The following SNX8 variants were observed in gnomAD, a reference collection of about 807,000 sequenced individuals.
SNX8 encodes sorting nexin-8.
SNX8 carries 25 observed loss-of-function variants against 51.6 expected under a neutral mutation model. The observed-to-expected ratio is 0.48, with a 90% CI of 0.35 to 0.68. SNX8 has a LOEUF of 0.68. Among genes scored for constraint, SNX8 ranks in the 30% least tolerant of loss-of-function variants. The pLI, the probability that SNX8 is intolerant of heterozygous loss-of-function variation, is 0.00. For synonymous variants in SNX8, 324 were observed against 277.0 expected, an observed-to-expected ratio of 1.17 and a Z score of -1.68; for missense variants, 695 against 624.0, an observed-to-expected ratio of 1.11 and a Z score of -1.21.
At position 2,335,818 on chromosome 7, in the gene SNX8, A is replaced by T. The variant is rs866910594; in HGVS notation, c.-66+18404T>A. 9.9e-5 allele frequency among the ~76,000 whole-genome samples: 15 copies of T among 151,496 alleles called. No homozygotes were observed. In the South Asian group the frequency reaches 3.1e-3, roughly 32 times the overall value. Reference sequence around the variant, plus strand: ...ACTCTGTCTCAAAAAAAAAAAAAAAAAAAAAAAAAATTCTACAGTAGGCAA... The same window carrying T: ...ACTCTGTCTCAAAAAAAAAAAAAAATAAAAAAAAAATTCTACAGTAGGCAA... On this transcript the variant is annotated intron_variant, in intron 1 of 5. Transcript: ENST00000435336.
intron 1 of SNX8, among the ~76,000 whole-genome samples, chr7:2,291,872 G>C (rs1343639842): frequency 6.6e-6 from 1 of 152,176 alleles, no homozygotes; most frequent in Non-Finnish European, 1.5e-5. Flanking sequence ...CTCCCTTAGA[G>C]AGCTGTGGCT....
At chr7:2,345,489 C>G (rs982185021) in intron 1 of SNX8, among the ~76,000 whole-genome samples, 1 of 151,768 alleles carries the variant, frequency 6.6e-6, no homozygotes, top group Non-Finnish European at 1.5e-5. Context: ...ACCAGCCTGG[C>G]CCATGTGGAA....
upstream of SNX8, among the ~76,000 whole-genome samples, chr7:2,316,633 CCACT>C (rs1383935856): frequency 1.4e-5 from 2 of 146,562 alleles, no homozygotes; most frequent in African/African-American, 2.6e-5. Context: ...ATTCACACAA[CCACT>C]CACTCACTGC....
At chr7:2,327,718 A>G (rs1307309449) in intron 1 of SNX8, among the ~76,000 whole-genome samples, 13 of 123,004 alleles carry the variant, frequency 1.1e-4, no homozygotes, top group Admixed American at 1.6e-4. Flanking sequence ...AATTTTTTGT[A>G]TTTTAAGTAG....
At chr7:2,260,406 G>A (rs943849666) in intron 7 of SNX8, among the ~76,000 whole-genome samples, 3 of 152,138 alleles carry the variant, frequency 2.0e-5, no homozygotes, top group African/African-American at 4.8e-5. Flanking sequence ...CCAAGTTTAC[G>A]GATTTGTGTT....
chr7:2,269,203 T>C (rs1477568425), intron 5 of SNX8, among the ~76,000 whole-genome samples: 1 of 150,976 alleles, frequency 6.6e-6, no homozygotes, highest in Non-Finnish European at 1.5e-5. Flanking sequence ...TCCTCTGCCT[T>C]GGGATCCTGT....
chr7:2,260,546 C>A (rs571780945), intron 7 of SNX8, among the ~76,000 whole-genome samples: 53 of 152,194 alleles, frequency 3.5e-4, no homozygotes, highest in African/African-American at 1.3e-3. Context: ...AAACACAGAC[C>A]CTACTCCGAG....
chr7:2,308,752 C>T (rs568527036), intron 1 of SNX8, among the ~76,000 whole-genome samples: 1 of 147,874 alleles, frequency 6.8e-6, no homozygotes, highest in Non-Finnish European at 1.5e-5. Flanking sequence ...TACTGTGGGG[C>T]ATAATTTAAT....
chr7:2,317,653 A>G (rs1393445886), upstream of SNX8, among the ~76,000 whole-genome samples: 3 of 151,976 alleles, frequency 2.0e-5, no homozygotes, highest in Non-Finnish European at 4.4e-5. Flanking sequence ...GAACCATGTC[A>G]GTTCCTAGGA....
rs116302374 is a variant in SNX8 at position 2,342,050 on chromosome 7, G to A, written c.-66+12172C>T. Among the ~76,000 whole-genome samples the A allele has an allele frequency of 4.4e-3, 652 of 148,894 alleles. 5 individuals carry two copies. The highest frequency in any genetic ancestry group is 0.015 in the African/African-American group (600 of 40,496). On this transcript the variant is annotated intron_variant, in intron 1 of 5. Transcript: ENST00000435336. ...TGAGACGGGCGGATCACAAGATCAG[G>A]AGATTGATCCTTGCATCTGGATCTC...
Position 2,263,232 on chromosome 7 carries a change from G to A in SNX8, c.913C>T (p.Gln305Ter). 1 of 1,613,878 alleles carries A rather than the reference G, an allele frequency of 6.2e-7. No individual in the cohort carries two copies. Among genetic ancestry groups the A allele is most frequent in the Non-Finnish European group, 8.5e-7 (1 of 1,180,006 alleles). ...FALLADKAAQ[Q>*]GKQEENDVVE... ...CCTGGGAGAACCGATCCACTCACCT[G>A]TTGTGCAGCCTTGTCGGCGAGCAGC... The change falls in exon 7 of 11, where the codon CAG becomes TAG. Residue 305 changes from glutamine (Q) to a stop codon, truncating the protein, a stop_gained and splice_region_variant. Coordinates refer to ENST00000222990, the MANE Select transcript of SNX8 (RefSeq NM_013321.4). LOFTEE classifies it high-confidence loss of function.
At chr7:2,260,516 G>A (rs1375069072) in intron 7 of SNX8, among the ~76,000 whole-genome samples, 12 of 152,160 alleles carry the variant, frequency 7.9e-5, no homozygotes, top group Admixed American at 6.6e-4. Context: ...TAACCAAGGC[G>A]AAGATCCCGT....
chr7:2,332,128 G>A (rs1187013055), intron 1 of SNX8, among the ~76,000 whole-genome samples: 1 of 149,844 alleles, frequency 6.7e-6, no homozygotes, highest in East Asian at 2.0e-4. Flanking sequence ...GATCGCTTGA[G>A]CCTCGGAAGC....
Position 2,326,509 on chromosome 7 carries a change from CA to C in SNX8, c.-66+27712del, listed in dbSNP as rs1253659438. Among the ~76,000 whole-genome samples the C allele has an allele frequency of 1.1e-4, 17 of 151,354 alleles. 1 individual carries two copies. Among genetic ancestry groups the C allele is most frequent in the African/African-American group, 3.6e-4 (15 of 41,282 alleles). On this transcript the variant is annotated intron_variant, in intron 1 of 5. Coordinates refer to the SNX8 transcript ENST00000435336. ...TGAAACCCCGTCTCTACTAAAAATA[CA>C]AAAAAATTAGCCGGGCGTGGTGGCG...
intron 1 of SNX8, among the ~76,000 whole-genome samples, chr7:2,343,981 T>C (rs1778977460): frequency 6.9e-6 from 1 of 144,548 alleles, no homozygotes. Context: ...TTCAGTGAGC[T>C]GAGATCCTGC....
At chr7:2,259,090 G>C (rs1212086804) in intron 7 of SNX8, among the ~76,000 whole-genome samples, 1 of 152,212 alleles carries the variant, frequency 6.6e-6, no homozygotes, top group Non-Finnish European at 1.5e-5. Flanking sequence ...GGTATGAAGA[G>C]TCGGTCCAAA....
intron 1 of SNX8, among the ~76,000 whole-genome samples, chr7:2,304,803 T>A (rs1796510232): frequency 6.6e-6 from 1 of 152,022 alleles, no homozygotes; most frequent in Non-Finnish European, 1.5e-5. Flanking sequence ...AAAATGCAAT[T>A]TCAAATCTCC....
At chr7:2,315,795 C>T (rs1796744723), upstream of SNX8, among the ~76,000 whole-genome samples, 1 of 151,160 alleles carries the variant, frequency 6.6e-6, no homozygotes, top group East Asian at 1.9e-4. Flanking sequence ...CTGCATCCTG[C>T]ATTCATTCAT....
At chr7:2,331,078 T>TGGGA (rs1254010523) in intron 1 of SNX8, among the ~76,000 whole-genome samples, 1 of 146,608 alleles carries the variant, frequency 6.8e-6, no homozygotes, top group Non-Finnish European at 1.5e-5. Context: ...TGCAGCTACT[T>TGGGA]GGGAGGCTGA....
Sources: allele counts gnomAD v4.1 joint callset (sites outside exome capture counted in the v4.1 genomes callset), GRCh38; gene constraint gnomAD v4.1.1; transcripts MANE v1.5; gene names NCBI Gene and HGNC (gene_info 2026-07-23, HGNC 2026-07-21).